Variants in PCDH7 observed in about 807,000 individuals in gnomAD.
The protein encoded by PCDH7 is protocadherin 7, also known as protocadherin-7.
A neutral mutation model predicts 58.9 loss-of-function variants in PCDH7; 17 were observed. That is an observed-to-expected ratio of 0.29 (90% CI 0.20 to 0.43). The LOEUF (loss-of-function observed/expected upper bound fraction) is 0.43, where lower values mean the gene tolerates loss of function less well. Among genes scored for constraint, PCDH7 ranks in the 20% least tolerant of loss-of-function variants. PCDH7 has a pLI of 1.00. For synonymous variants in PCDH7, 664 were observed against 616.4 expected (o/e 1.08, Z -1.14); for missense variants, 1,274 against 1,441.0 (o/e 0.88, Z 1.88).
chr4:30,810,608 C>A (rs967953974), intron 1 of PCDH7, among the ~76,000 whole-genome samples: 11 of 146,838 alleles, frequency 7.5e-5, no homozygotes, highest in African/African-American at 2.6e-4. Flanking sequence ...AAAACGTCTT[C>A]TCATTTTCTT....
chr4:31,032,725 AGTACAT>A (rs938189012), intron 3 of PCDH7, among the ~76,000 whole-genome samples: 2 of 151,060 alleles, frequency 1.3e-5, no homozygotes, highest in Non-Finnish European at 3.0e-5. Flanking sequence ...GGAGGGAAAG[AGTACAT>A]GTCATTGCGA....
At chr4:30,808,163 A>T (rs919514762) in intron 1 of PCDH7, among the ~76,000 whole-genome samples, 2 of 152,196 alleles carry the variant, frequency 1.3e-5, no homozygotes, top group African/African-American at 4.8e-5. Context: ...CAGACTGAAA[A>T]CAGGTTAAAT....
intron 3 of PCDH7, among the ~76,000 whole-genome samples, chr4:30,991,235 T>A (rs1751439033): frequency 6.6e-6 from 1 of 152,212 alleles, no homozygotes; most frequent in Non-Finnish European, 1.5e-5. Context: ...TGCCATTGGC[T>A]GAACCTCACT....
At chr4:30,947,176 T>C (rs768211501) in intron 2 of PCDH7, among the ~76,000 whole-genome samples, 58 of 152,106 alleles carry the variant, frequency 3.8e-4, no homozygotes, top group Middle Eastern at 3.2e-3. Context: ...TGATCATACA[T>C]TTTTCCAAGA....
intron 3 of PCDH7, among the ~76,000 whole-genome samples, chr4:31,077,060 A>T (rs1169417345): frequency 6.6e-6 from 1 of 152,218 alleles, no homozygotes; most frequent in African/African-American, 2.4e-5. Flanking sequence ...TGGAAATGTT[A>T]TCATATATGC....
intron 3 of PCDH7, among the ~76,000 whole-genome samples, chr4:31,023,252 G>A (rs1410518774): frequency 3.9e-5 from 6 of 152,282 alleles, no homozygotes; most frequent in African/African-American, 9.6e-5. Flanking sequence ...CACCAGAATC[G>A]CAGTTTGCAT....
At position 30,801,443 on chromosome 4, in the gene PCDH7, A is replaced by T. The variant is rs191499820; in HGVS notation, c.70+76847A>T. Among the ~76,000 whole-genome samples the T allele has an allele frequency of 5.3e-5, 8 of 152,266 alleles. No homozygotes were observed. In the East Asian group the frequency reaches 1.4e-3, roughly 26 times the overall value. On this transcript the variant is annotated intron_variant, in intron 1 of 3. Coordinates refer to the PCDH7 transcript ENST00000509759. ...AAAGAAAAGCCAATGAAGTAAACTT[A>T]GAATCAGGGGAAAATTGTGATAGAA...
intron 1 of PCDH7, among the ~76,000 whole-genome samples, chr4:30,815,428 T>C (rs1727550413): frequency 6.6e-6 from 1 of 152,192 alleles, no homozygotes; most frequent in Non-Finnish European, 1.5e-5. Flanking sequence ...AGCAGGCATC[T>C]TTAGATCCAA....
chr4:31,106,212 T>G (rs1715555346), intron 3 of PCDH7, among the ~76,000 whole-genome samples: 1 of 152,134 alleles, frequency 6.6e-6, no homozygotes, highest in Non-Finnish European at 1.5e-5. Context: ...CCATTGACTT[T>G]CTTGTCCCAC....
intron 1 of PCDH7, among the ~76,000 whole-genome samples, chr4:30,744,687 C>T (rs1332595622): frequency 6.6e-6 from 1 of 152,204 alleles, no homozygotes; most frequent in Non-Finnish European, 1.5e-5. Flanking sequence ...TGATTTCCTT[C>T]TCCTTTATCA....
chr4:30,888,246 T>G (rs1157946415), intron 1 of PCDH7, among the ~76,000 whole-genome samples: 1 of 151,942 alleles, frequency 6.6e-6, no homozygotes, highest in East Asian at 1.9e-4. Context: ...ATGACCATAC[T>G]TTAGGCACTT....
intron 2 of PCDH7, among the ~76,000 whole-genome samples, chr4:30,939,978 G>A (rs1745825556): frequency 6.6e-6 from 1 of 151,886 alleles, no homozygotes; most frequent in Admixed American, 6.6e-5. Flanking sequence ...ATTAAAGGTA[G>A]GAAGTTTAAC....
At chr4:31,018,446 T>C (rs1753781231) in intron 3 of PCDH7, among the ~76,000 whole-genome samples, 1 of 152,190 alleles carries the variant, frequency 6.6e-6, no homozygotes, top group Non-Finnish European at 1.5e-5. Flanking sequence ...TTACCTGGCA[T>C]GTACCTGTCT....
chr4:31,075,724 A>T lies in PCDH7; in HGVS notation c.*8-66749A>T, dbSNP rs188817189. Among the ~76,000 whole-genome samples the T allele has an allele frequency of 3.9e-3, 600 of 152,250 alleles. 5 individuals are homozygous for T. Among genetic ancestry groups the T allele is most frequent in the Middle Eastern group, 0.014 (4 of 294 alleles). ...TGGGCCCTGTTGTATCTCATGGGGG[A>T]TAACATCTATAACCACCTTAAATTC... On this transcript the variant is annotated intron_variant, in intron 3 of 3. Transcript: ENST00000509759.
intron 3 of PCDH7, among the ~76,000 whole-genome samples, chr4:30,987,030 AATACAGTGTGACATTTT>A (rs1195924131): frequency 6.6e-6 from 1 of 152,140 alleles, no homozygotes; most frequent in Non-Finnish European, 1.5e-5. Flanking sequence ...AACATTCTAC[AATACAGTGTGACATTTT>A]ACACCTACAG....
chr4:30,903,752 T>C (rs1740527392), intron 1 of PCDH7, among the ~76,000 whole-genome samples: 1 of 152,148 alleles, frequency 6.6e-6, no homozygotes, highest in Non-Finnish European at 1.5e-5. Context: ...AATACAATAT[T>C]AGTTATCTGA....
intron 3 of PCDH7, among the ~76,000 whole-genome samples, chr4:31,014,526 G>C (rs1435781197): frequency 6.6e-6 from 1 of 152,080 alleles, no homozygotes; most frequent in Non-Finnish European, 1.5e-5. Context: ...AGAAGGCAAG[G>C]GAAGGGAAAG....
At chr4:30,896,761 T>C (rs1455869350) in intron 1 of PCDH7, among the ~76,000 whole-genome samples, 2 of 152,030 alleles carry the variant, frequency 1.3e-5, no homozygotes, top group Non-Finnish European at 2.9e-5. Flanking sequence ...CGTATATTAC[T>C]TTTTAAAGAA....
At chr4:30,953,673 T>C (rs1203262253) in intron 3 of PCDH7, among the ~76,000 whole-genome samples, 8 of 152,094 alleles carry the variant, frequency 5.3e-5, no homozygotes, top group Non-Finnish European at 1.2e-4. Flanking sequence ...TAAACATGAG[T>C]ATGTGTTAAA....
Sources: gnomAD v4.1 joint callset for allele counts (sites outside exome capture counted in the v4.1 genomes callset) on GRCh38, gnomAD v4.1.1 for gene constraint, MANE v1.5 for transcripts, NCBI Gene and HGNC (gene_info 2026-07-23, HGNC 2026-07-21) for gene names.